The following ZCCHC14 variants were observed in gnomAD, a reference collection of about 807,000 sequenced individuals.
ZCCHC14 encodes the protein zinc finger CCHC domain-containing protein 14.
In ZCCHC14, 16 loss-of-function variants were observed where a neutral mutation model predicts 85.0. That is an observed-to-expected ratio of 0.19 (90% CI 0.13 to 0.29). The LOEUF is 0.29. ZCCHC14 is among the 10% of genes least tolerant of loss of function. The pLI is 1.00. For missense variants in ZCCHC14, 1,303 were observed against 1,443.5 expected, an observed-to-expected ratio of 0.90 and a Z score of 1.58; for synonymous variants, 775 against 630.7, an observed-to-expected ratio of 1.23 and a Z score of -3.43.
chr16:87,410,523 A>T (rs993180906), intron 12 of ZCCHC14, among the ~76,000 whole-genome samples, 188 bp from the exon 13 acceptor site: 1 of 152,212 alleles, frequency 6.6e-6, no homozygotes, highest in African/African-American at 2.4e-5. Context: ...AAGTTTATCA[A>T]ATCTGACCGG....
At chr16:87,454,793 GC>G (rs1910872448) in intron 2 of ZCCHC14, among the ~76,000 whole-genome samples, 1 of 152,214 alleles carries the variant, frequency 6.6e-6, no homozygotes, top group East Asian at 1.9e-4. Context: ...ATGGTGCAGA[GC>G]ACACGTAGCT....
chr16:87,434,340 C>T (rs2150739118), intron 2 of ZCCHC14, among the ~76,000 whole-genome samples: 1 of 152,370 alleles, frequency 6.6e-6, no homozygotes, highest in African/African-American at 2.4e-5. Context: ...TTTCTCACTG[C>T]CCAACACACC....
chr16:87,435,816 C>T (rs192383193), intron 2 of ZCCHC14, among the ~76,000 whole-genome samples: 6 of 152,372 alleles, frequency 3.9e-5, no homozygotes, highest in African/African-American at 1.4e-4. Context: ...TGTTTATTTC[C>T]TTTCTGGCAA....
intron 1 of ZCCHC14, among the ~76,000 whole-genome samples, chr16:87,489,647 T>C (rs1219782904): frequency 2.0e-5 from 3 of 152,278 alleles, no homozygotes; most frequent in Admixed American, 1.3e-4. Flanking sequence ...GCACGGCTGG[T>C]AAATTCAGCG....
Position 87,492,017 on chromosome 16 carries a change from G to A in ZCCHC14, c.222C>T (p.Ser74=). The A allele has an allele frequency of 5.7e-6, 8 of 1,392,976 alleles. No homozygotes were observed. Among genetic ancestry groups the A allele is most frequent in the South Asian group, 1.6e-5 (1 of 62,280 alleles). The allele number at this position is 1,392,976 out of a possible 1,614,324, so 86.3% of individuals were successfully genotyped here. The change falls in exon 1 of 13, where the codon AGC becomes AGT. Residue 74 remains serine, a synonymous_variant. Transcript: ENST00000671377. This position sits in a 1 kb window ranked among gnomAD's most constrained non-coding sequence, Gnocchi z 6.7. ...CCACCTCGTCCGTCAGGTTGGTGAG[G>A]CTGCCCAGGTCGGCCGGGTTGTTGG... is the stretch of plus-strand genomic sequence containing the variant. ...IKANNPADLG[S]LTNLTDEVVR...
chr16:87,461,239 A>C (rs1371171589), intron 1 of ZCCHC14, among the ~76,000 whole-genome samples: 1 of 152,222 alleles, frequency 6.6e-6, no homozygotes, highest in Non-Finnish European at 1.5e-5. Flanking sequence ...GATGGTGTGA[A>C]TGTGGAATAA....
intron 1 of ZCCHC14, among the ~76,000 whole-genome samples, chr16:87,462,567 C>T (rs913052395): frequency 2.0e-5 from 3 of 151,550 alleles, no homozygotes; most frequent in African/African-American, 4.9e-5. Flanking sequence ...GGTGAAACCC[C>T]GTCTCTACTA....
At chr16:87,480,895 A>G (rs1912236855) in intron 1 of ZCCHC14, among the ~76,000 whole-genome samples, 1 of 152,208 alleles carries the variant, frequency 6.6e-6, no homozygotes, top group Admixed American at 6.5e-5. Flanking sequence ...CACAGGAGAG[A>G]GAAAGCACAG....
At chr16:87,482,708 C>A (rs1287146138) in intron 1 of ZCCHC14, among the ~76,000 whole-genome samples, 1 of 152,090 alleles carries the variant, frequency 6.6e-6, no homozygotes, top group Non-Finnish European at 1.5e-5. Context: ...TGGGAGTAAA[C>A]GAGAGACAGC....
At position 87,447,849 on chromosome 16, in the gene ZCCHC14, C is replaced by A. The variant is rs555212044; in HGVS notation, c.694+12159G>T. Among the ~76,000 whole-genome samples the A allele has an allele frequency of 8.5e-5, 13 of 152,324 alleles. No individual in the cohort carries two copies. In the East Asian group the frequency reaches 2.5e-3, roughly 29 times the overall value. ...GATGAAAGCTCCAGCTGCTTCTGAT[C>A]CTAACATTTGCTATTCTGTCCTTCT... On this transcript the variant is annotated intron_variant, in intron 2 of 12. Coordinates refer to ENST00000671377, the MANE Select transcript of ZCCHC14 (RefSeq NM_015144.3).
intron 1 of ZCCHC14, among the ~76,000 whole-genome samples, chr16:87,478,428 A>T (rs554633448): frequency 6.6e-6 from 1 of 152,270 alleles, no homozygotes; most frequent in African/African-American, 2.4e-5. Context: ...CGACTGGAAA[A>T]TGGCCTGAGT....
intron 1 of ZCCHC14, among the ~76,000 whole-genome samples, chr16:87,481,925 C>T (rs1319033215): frequency 2.0e-5 from 3 of 152,164 alleles, no homozygotes; most frequent in Non-Finnish European, 2.9e-5. Context: ...TTAGGGCCTT[C>T]CTGCTAGGAC....
Position 87,492,185 on chromosome 16 carries a change from C to G in ZCCHC14, c.54G>C (p.Ser18=). The G allele has an allele frequency of 1.7e-6, 2 of 1,165,278 alleles. No individual in the cohort carries two copies. Among genetic ancestry groups the G allele is most frequent in the South Asian group, 2.2e-5 (1 of 44,918 alleles). 72.2% of individuals were successfully genotyped at this position (1,165,278 alleles called of 1,614,324 possible). The stretch of plus-strand genomic sequence containing the variant: ...CCACGCGCTGCGGCGACGGCAGCTC[C>G]GAGAACCAGCGGTACACGCCGTCCC... ...LQRDGVYRWF[S]ELPSPQRVEF... The change falls in exon 1 of 13, where the codon TCG becomes TCC. Residue 18 remains serine (S), a synonymous_variant. Transcript: ENST00000671377. The surrounding 1 kb of genome is among the most constrained non-coding windows in gnomAD (Gnocchi z 6.7).
rs1217363198 is a variant in ZCCHC14 at position 87,406,925 on chromosome 16, A to G, written c.*3355T>C. 6.6e-6 allele frequency: 1 copy of G among 152,182 alleles called. No individual in the cohort carries two copies. The highest frequency in any genetic ancestry group is 1.5e-5 in the Non-Finnish European group (1 of 68,044). The allele number at this position is 152,182 out of a possible 1,614,324, so 9.4% of individuals were successfully genotyped here. ...GCACAGGACTCTCCTCTGGGACAGC[A>G]GTCGAGTCAAGCAGGGAGACGGCTT... On this transcript the variant is annotated 3_prime_UTR_variant, in exon 13 of 13. Coordinates refer to ENST00000671377, the MANE Select transcript of ZCCHC14 (RefSeq NM_015144.3).
At chr16:87,454,343 G>A (rs1225217748) in intron 2 of ZCCHC14, among the ~76,000 whole-genome samples, 1 of 152,126 alleles carries the variant, frequency 6.6e-6, no homozygotes, top group Non-Finnish European at 1.5e-5. Context: ...ATTACACCAA[G>A]GCACATCACA....
intron 1 of ZCCHC14, among the ~76,000 whole-genome samples, chr16:87,484,351 C>T (rs1597456191): frequency 6.6e-6 from 1 of 152,170 alleles, no homozygotes; most frequent in Non-Finnish European, 1.5e-5. Context: ...CGATTTAAAA[C>T]CTTTCTTCAC....
In ZCCHC14 at chr16:87,420,231, G is replaced by A. The variant is rs931640722; in HGVS notation, c.951-354C>T. 2.0e-5 allele frequency among the ~76,000 whole-genome samples: 3 copies of A among 152,218 alleles called. No homozygotes were observed. The East Asian group carries it at 5.8e-4, about 29-fold the overall frequency. On this transcript the variant is annotated intron_variant, in intron 5 of 12. Coordinates refer to ENST00000671377, the MANE Select transcript of ZCCHC14 (RefSeq NM_015144.3). This position sits in a 1 kb window ranked among gnomAD's most constrained non-coding sequence, Gnocchi z 5.0. ...GAACTGGTCGGCCATGTTACTTCGT[G>A]TGCCACGTGAGCCAAGACACGATCG...
intron 2 of ZCCHC14, among the ~76,000 whole-genome samples, chr16:87,454,439 G>A (rs1411047036): frequency 6.6e-6 from 1 of 152,178 alleles, no homozygotes; most frequent in Non-Finnish European, 1.5e-5. Context: ...AATGCTAGAG[G>A]ACTTTTCTTT....
chr16:87,488,969 A>G (rs1269752537), intron 1 of ZCCHC14, among the ~76,000 whole-genome samples: 10 of 151,698 alleles, frequency 6.6e-5, no homozygotes, highest in Non-Finnish European at 1.3e-4. Flanking sequence ...AAGCTCAAAG[A>G]GTTCAAAATA....
Sources: allele counts gnomAD v4.1 joint callset (sites outside exome capture counted in the v4.1 genomes callset), GRCh38; gene constraint gnomAD v4.1.1; non-coding constraint Gnocchi (gnomAD v3.1); transcripts MANE v1.5; gene names NCBI Gene and HGNC (gene_info 2026-07-23, HGNC 2026-07-21).